The following PROM1 variants were observed in gnomAD, a reference collection of about 807,000 sequenced individuals.
PROM1 encodes the protein prominin-1.
Under a neutral mutation model 116.9 loss-of-function variants are expected in PROM1, and 105 were observed. The observed-to-expected ratio is 0.90, with a 90% CI of 0.77 to 1.06. The LOEUF is 1.06. Ranked by LOEUF, PROM1 falls within the 50% of genes least tolerant of loss-of-function variation. The pLI, the probability that PROM1 is intolerant of heterozygous loss-of-function variation, is 0.00. For synonymous variants in PROM1, 393 were observed against 387.0 expected, an observed-to-expected ratio of 1.02 and a Z score of -0.18; for missense variants, 1,122 against 1,045.2, an observed-to-expected ratio of 1.07 and a Z score of -1.01.
intron 26 of PROM1, among the ~76,000 whole-genome samples, chr4:15,978,393 GA>G (rs1482545178): frequency 6.6e-6 from 1 of 152,182 alleles, no homozygotes; most frequent in Non-Finnish European, 1.5e-5. Flanking sequence ...TGTTCATCTT[GA>G]AATCTGACCA....
Position 16,011,001 on chromosome 4 carries a change from T to C in PROM1, c.1142-1893A>G, listed in dbSNP as rs1354008992. On this transcript the variant is annotated intron_variant, in intron 11 of 27. Coordinates refer to ENST00000447510, the MANE Select transcript of PROM1 (RefSeq NM_006017.3). ...CCTTGGCCAAAAATGACTCAGTGGG[T>C]CTCTTGGTTACTTCTGAGATTTTCA... 2.0e-5 allele frequency among the ~76,000 whole-genome samples: 3 copies of C among 151,918 alleles called. No individual in the cohort carries two copies. In the East Asian group the frequency reaches 5.8e-4, roughly 29 times the overall value.
At chr4:15,992,000 G>A (rs1381518071) in intron 17 of PROM1, among the ~76,000 whole-genome samples, 1 of 151,562 alleles carries the variant, frequency 6.6e-6, no homozygotes, top group Admixed American at 6.6e-5. Context: ...CAAGGGTTTG[G>A]GGAGGAGGAA....
chr4:15,980,391 C>A (rs542424952), intron 24 of PROM1, 31 bp downstream of exon 24: 4 of 1,395,674 alleles, frequency 2.9e-6, no homozygotes, highest in South Asian at 1.3e-5. Flanking sequence ...TAGAAAATGA[C>A]CCCCACGTCT....
chr4:16,079,774 C>T (rs1000174031), intron 1 of PROM1: 1 of 152,012 alleles, frequency 6.6e-6, no homozygotes, highest in African/African-American at 2.4e-5. Flanking sequence ...CTGGAGTACC[C>T]GCCTAGTCAA....
intron 18 of PROM1, among the ~76,000 whole-genome samples, chr4:15,990,949 C>T (rs575649258): frequency 2.0e-5 from 3 of 152,382 alleles, no homozygotes; most frequent in South Asian, 2.1e-4. Context: ...GAAGAGCAGT[C>T]TCTGAGCTGT....
intron 11 of PROM1, among the ~76,000 whole-genome samples, chr4:16,011,211 C>G (rs1391761579): frequency 1.3e-5 from 2 of 152,136 alleles, no homozygotes; most frequent in Non-Finnish European, 2.9e-5. Context: ...GTCCCCTTTT[C>G]CAGGCAGCCT....
rs1733206553 is a variant in PROM1, at chr4:16,033,415, C to T, written c.398G>A (p.Cys133Tyr). ...MPLVGYFFCMCRCCNKCGGEM... is the reference protein window; with the variant it reads ...MPLVGYFFCMYRCCNKCGGEM... ...TCCACCACATTTGTTACAGCAACGA[C>T]ACATACAAAAGAAATACCCCACCAG... The change falls in exon 5 of 28, where the codon TGT becomes TAT. Residue 133 changes from cysteine to tyrosine, a missense_variant. Transcript: ENST00000447510. The T allele has an allele frequency of 1.9e-6, 3 of 1,613,660 alleles. No homozygotes were observed. Among genetic ancestry groups the T allele is most frequent in the Non-Finnish European group, 2.5e-6 (3 of 1,179,818 alleles).
Position 16,009,050 on chromosome 4 carries a change from A to G in PROM1, c.1200T>C (p.Leu400=), listed in dbSNP as rs1726220959. 6 of 1,609,530 alleles carry G rather than the reference A, an allele frequency of 3.7e-6. No individual in the cohort carries two copies. Among genetic ancestry groups the G allele is most frequent in the Non-Finnish European group, 4.3e-6 (5 of 1,176,048 alleles). ...ATGCTGAGAGTATATCCTGAATAGG[A>G]AGACGCTGAGTTACATTGTCGATAT... ...GSDIDNVTQR[L]PIQDILSAFS... Residue 400 remains leucine (L), a synonymous_variant, in exon 12 of 28, where the codon CTT becomes CTC. Transcript: ENST00000447510.
intron 2 of PROM1, among the ~76,000 whole-genome samples, chr4:16,066,091 G>A (rs1389148621): frequency 1.3e-5 from 2 of 152,138 alleles, no homozygotes; most frequent in East Asian, 1.9e-4. Flanking sequence ...CAGATGGAGC[G>A]TGGCCCTGCC....
chr4:16,075,660 C>G (rs1743794460), intron 2 of PROM1, 27 bp downstream of exon 2: 1 of 1,582,250 alleles, frequency 6.3e-7, no homozygotes, highest in African/African-American at 1.3e-5. Flanking sequence ...GAGATAAATC[C>G]TATCTTTCCC....
intron 8 of PROM1, 150 bp downstream of exon 8, chr4:16,023,176 C>T (rs1346369279): frequency 3.0e-6 from 2 of 670,734 alleles, no homozygotes; most frequent in Non-Finnish European, 5.4e-6. Flanking sequence ...GCTATTGCAA[C>T]ACAGTGTCTT....
rs551200072 is a variant in PROM1 at position 16,082,840 on chromosome 4, T to G, written c.-213+1138A>C. On this transcript the variant is annotated intron_variant, in intron 1 of 27. Transcript: ENST00000447510. ...TCCAGACACGGGCTTTCGGGGAAAC[T>G]GATCCCGAGCCTCTGACTTTCTACA... Among the ~76,000 whole-genome samples the G allele has an allele frequency of 4.8e-4, 73 of 152,188 alleles. 1 individual carries two copies. Among genetic ancestry groups the G allele is most frequent in the African/African-American group, 1.7e-3 (71 of 41,534 alleles).
intron 2 of PROM1, among the ~76,000 whole-genome samples, chr4:16,046,065 G>A (rs1334599692): frequency 1.3e-5 from 2 of 152,214 alleles, no homozygotes; most frequent in Non-Finnish European, 2.9e-5. Flanking sequence ...TAGTGCATCA[G>A]ATAGGGGTCA....
At chr4:16,028,608 G>A (rs1274589427) in intron 5 of PROM1, among the ~76,000 whole-genome samples, 2 of 152,090 alleles carry the variant, frequency 1.3e-5, no homozygotes, top group Non-Finnish European at 2.9e-5. Context: ...TATTGATTTA[G>A]ACACTCCCTG....
At chr4:15,999,200 T>A (rs140021506) in intron 14 of PROM1, among the ~76,000 whole-genome samples, 8 of 151,222 alleles carry the variant, frequency 5.3e-5, no homozygotes, top group Non-Finnish European at 1.0e-4. Flanking sequence ...GGCCGGGCGC[T>A]GTGGCTCACG....
intron 1 of PROM1, among the ~76,000 whole-genome samples, chr4:16,077,788 T>A (rs972773843): frequency 1.3e-5 from 2 of 152,204 alleles, no homozygotes; most frequent in Non-Finnish European, 2.9e-5. Flanking sequence ...TATATGCTTA[T>A]TTCTTCTCCA....
Position 15,975,915 on chromosome 4 carries a change from T to C in PROM1, c.2582+3480A>G, listed in dbSNP as rs962659077. On this transcript the variant is annotated intron_variant, in intron 26 of 27. Coordinates refer to ENST00000447510, the MANE Select transcript of PROM1 (RefSeq NM_006017.3). ...CACTCAGTCTTTGGGATTCTTCTCT[T>C]ACTGAAACAAAACACTTCAACCCAC... is the stretch of plus-strand genomic sequence containing the variant. Among the ~76,000 whole-genome samples the C allele has an allele frequency of 7.4e-4, 112 of 152,316 alleles. 1 individual carries two copies. The highest frequency in any genetic ancestry group is 2.5e-3 in the African/African-American group (103 of 41,578).
chr4:16,061,961 G>T (rs982426668), intron 2 of PROM1, among the ~76,000 whole-genome samples: 1 of 140,418 alleles, frequency 7.1e-6, no homozygotes, highest in African/African-American at 2.7e-5. Context: ...GCGCGATCTT[G>T]ACTCACTGCA....
rs111376791 is a variant in PROM1 at position 16,065,179 on chromosome 4, C to T, written c.220+10508G>A. Among the ~76,000 whole-genome samples, 308 of 152,204 alleles carry T rather than the reference C, an allele frequency of 2.0e-3. 2 individuals carry two copies. The highest frequency in any genetic ancestry group is 3.4e-3 in the Middle Eastern group (1 of 294). ...ATCTCCACTGTCTGCAGCACCCTGACGGCATGACATTCCAGAGCCTGCATG... is the reference window on the plus strand; with the variant it reads ...ATCTCCACTGTCTGCAGCACCCTGATGGCATGACATTCCAGAGCCTGCATG... On this transcript the variant is annotated intron_variant, in intron 2 of 27. Coordinates refer to ENST00000447510, the MANE Select transcript of PROM1 (RefSeq NM_006017.3).
Sources: allele counts gnomAD v4.1 joint callset (sites outside exome capture counted in the v4.1 genomes callset), GRCh38; gene constraint gnomAD v4.1.1; transcripts MANE v1.5; gene names NCBI Gene and HGNC (gene_info 2026-07-23, HGNC 2026-07-21).